CAMSAP1: variants seen among roughly 807,000 people sequenced by gnomAD.
CAMSAP1 encodes the protein calmodulin regulated spectrin associated protein 1, also known as calmodulin-regulated spectrin-associated protein 1.
In CAMSAP1, 58 loss-of-function variants were observed where a neutral mutation model predicts 143.5. The observed-to-expected ratio is 0.40, with a 90% CI of 0.33 to 0.50. The LOEUF (loss-of-function observed/expected upper bound fraction) is 0.50, where lower values mean the gene tolerates loss of function less well. CAMSAP1 is among the 20% of genes least tolerant of loss of function. The pLI is 0.45. For missense variants in CAMSAP1, 1,969 were observed against 2,115.7 expected (o/e 0.93, Z 1.36); for synonymous variants, 945 against 859.3 (o/e 1.10, Z -1.74).
chr9:135,882,686 T>G lies in CAMSAP1; in HGVS notation c.423+130A>C. The G allele has an allele frequency of 9.6e-7, 1 of 1,036,552 alleles. No homozygotes were observed. The highest frequency in any genetic ancestry group is 1.4e-6 in the Non-Finnish European group (1 of 731,860). The allele number at this position is 1,036,552 out of a possible 1,614,324, so 64.2% of individuals were successfully genotyped here. A position where few individuals can be genotyped will look rare whatever the true frequency, so the allele number is the denominator to read the frequency against. On this transcript the variant is annotated intron_variant, in intron 2 of 16. Transcript: ENST00000389532. The surrounding 1 kb of genome is among the most constrained non-coding windows in gnomAD (Gnocchi z 4.9). ...TATGCAGTTTCCTAAGGAACGCCAG[T>G]GTGCAAAAGCACGGGTCTCCACCAC...
chr9:135,860,793 C>T (rs1837161124), intron 5 of CAMSAP1, among the ~76,000 whole-genome samples: 1 of 152,092 alleles, frequency 6.6e-6, no homozygotes, highest in Non-Finnish European at 1.5e-5. Flanking sequence ...GCCTGCTTTC[C>T]CTGCGTGGTT....
At chr9:135,836,532 A>T in intron 7 of CAMSAP1, 1 of 981,938 alleles carries the variant, frequency 1.0e-6, no homozygotes, top group Middle Eastern at 5.3e-4. Flanking sequence ...CCGCAGCCAC[A>T]CAGTCATGTA....
chr9:135,812,466 C>T (rs968715014), intron 16 of CAMSAP1, among the ~76,000 whole-genome samples: 1 of 151,992 alleles, frequency 6.6e-6, no homozygotes, highest in Non-Finnish European at 1.5e-5. Flanking sequence ...CAGGCAAATC[C>T]ATGGAGACAG....
At chr9:135,844,265 T>C (rs903125655) in intron 7 of CAMSAP1, among the ~76,000 whole-genome samples, 23 of 152,138 alleles carry the variant, frequency 1.5e-4, no homozygotes, top group African/African-American at 5.3e-4. Context: ...CAGACCAAAG[T>C]GCAATCAAAT....
At chr9:135,879,643 C>G (rs969282584) in intron 3 of CAMSAP1, among the ~76,000 whole-genome samples, 1 of 151,810 alleles carries the variant, frequency 6.6e-6, no homozygotes, top group East Asian at 1.9e-4. Flanking sequence ...GAAAATGTTA[C>G]AATCTTTAGG....
At chr9:135,846,129 TATACTAC>T (rs1836540802) in intron 7 of CAMSAP1, among the ~76,000 whole-genome samples, 2 of 136,940 alleles carry the variant, frequency 1.5e-5, no homozygotes, top group Admixed American at 1.5e-4. Flanking sequence ...GACTTCAAAC[TATACTAC>T]AAGGCTATAG....
intron 5 of CAMSAP1, among the ~76,000 whole-genome samples, chr9:135,855,893 A>G (rs897049145): frequency 5.3e-5 from 8 of 152,114 alleles, no homozygotes; most frequent in African/African-American, 1.9e-4. Context: ...TCTACTAAAA[A>G]TACAAAAAAT....
chr9:135,822,394 G>T lies in CAMSAP1; in HGVS notation c.2267C>A (p.Ala756Asp). 1 of 1,613,954 alleles carries T rather than the reference G, an allele frequency of 6.2e-7. No individual in the cohort carries two copies. The highest frequency in any genetic ancestry group is 8.5e-7 in the Non-Finnish European group (1 of 1,179,892). The change falls in exon 11 of 17, where the codon GCC (alanine) becomes GAC (aspartate). Residue 756 changes from alanine to aspartate, a missense_variant. Ala to Asp is a moderately radical substitution (Grantham distance 126). Coordinates refer to ENST00000389532, the MANE Select transcript of CAMSAP1 (RefSeq NM_015447.4). The surrounding 1 kb of genome is among the most constrained non-coding windows in gnomAD (Gnocchi z 6.1). The stretch of plus-strand genomic sequence containing the variant: ...GTATCTGCTGAAAACCACAGGATGG[G>T]CCTCACCCATGAAATCGTGCTCGGC... ...EEAEHDFMGE[A>D]HPVVFSRYIG...
At chr9:135,839,316 T>C (rs1836255789) in intron 7 of CAMSAP1, among the ~76,000 whole-genome samples, 1 of 152,192 alleles carries the variant, frequency 6.6e-6, no homozygotes, top group African/African-American at 2.4e-5. Flanking sequence ...TGTGTCCGTA[T>C]TTCCTCCCAA....
chr9:135,855,272 G>A (rs866676471), intron 5 of CAMSAP1, among the ~76,000 whole-genome samples: 3 of 152,100 alleles, frequency 2.0e-5, no homozygotes, highest in Non-Finnish European at 2.9e-5. Flanking sequence ...GATTACAGGC[G>A]TGAGCCACTG....
chr9:135,820,867 T>C lies in CAMSAP1; in HGVS notation c.3794A>G (p.Gln1265Arg). The C allele has an allele frequency of 1.2e-6, 2 of 1,613,486 alleles. No individual in the cohort carries two copies. The highest frequency in any genetic ancestry group is 1.7e-6 in the Non-Finnish European group (2 of 1,179,874). The change falls in exon 11 of 17, where the codon CAG becomes CGG. Residue 1265 changes from glutamine (Q) to arginine (R), a missense_variant. Around this residue, in one of 4 missense-constraint regions of CAMSAP1, gnomAD observed 1,390 missense variants for 1,420.8 expected, o/e 0.98. Coordinates refer to ENST00000389532, the MANE Select transcript of CAMSAP1 (RefSeq NM_015447.4). This position sits in a 1 kb window ranked among gnomAD's most constrained non-coding sequence, Gnocchi z 4.4. ...GSADLVSEGDQKPGVGFFFKD... is the reference protein window; with the variant it reads ...GSADLVSEGDRKPGVGFFFKD... Reference sequence around the variant, plus strand: ...GAAGAAGAAGCCGACCCCCGGCTTCTGGTCGCCTTCGCTGACAAGGTCCGC... The same window carrying C: ...GAAGAAGAAGCCGACCCCCGGCTTCCGGTCGCCTTCGCTGACAAGGTCCGC...
In CAMSAP1 at chr9:135,820,720, C is replaced by T; in HGVS notation, c.3822+119G>A. On this transcript the variant is annotated intron_variant, in intron 11 of 16. Coordinates refer to ENST00000389532, the MANE Select transcript of CAMSAP1 (RefSeq NM_015447.4). This position sits in a 1 kb window ranked among gnomAD's most constrained non-coding sequence, Gnocchi z 4.4. ...GCCCACAAAGCTAAACACACACATC[C>T]CCTGGCCTCTTACAGGAGCGGCTGG... is the stretch of plus-strand genomic sequence containing the variant. The T allele has an allele frequency of 3.8e-6, 5 of 1,318,852 alleles. No individual in the cohort carries two copies. Among genetic ancestry groups the T allele is most frequent in the Non-Finnish European group, 5.2e-6 (5 of 964,016 alleles). 81.7% of individuals were successfully genotyped at this position (1,318,852 alleles called of 1,614,324 possible).
Position 135,850,179 on chromosome 9 carries a change from G to A in CAMSAP1, c.1003C>T (p.Pro335Ser), listed in dbSNP as rs865896813. Residue 335 changes from proline to serine, a missense_variant, in exon 7 of 17, where the codon CCA becomes TCA. Physicochemically the swap from Pro to Ser is moderately conservative, Grantham distance 74 (BLOSUM62 -1). This residue lies in a region of CAMSAP1 where 221 missense variants were observed against 298.2 expected (regional missense o/e 0.74). Transcript: ENST00000389532. Reference protein sequence around the residue: ...ELFWWFENVKPDFVQPRDVQE... With the variant: ...ELFWWFENVKSDFVQPRDVQE... ...ACATCCCTGGGCTGAACAAAATCTG[G>A]CTTGACATTCTCGAACCACCAAAAA... The A allele has an allele frequency of 6.2e-7, 1 of 1,612,362 alleles. No homozygotes were observed. Among genetic ancestry groups the A allele is most frequent in the Non-Finnish European group, 8.5e-7 (1 of 1,179,296 alleles).
Position 135,822,235 on chromosome 9 carries a change from C to A in CAMSAP1, c.2426G>T (p.Ser809Ile), listed in dbSNP as rs756904959. The change falls in exon 11 of 17, where the codon AGT becomes ATT. Residue 809 changes from serine (S) to isoleucine (I), a missense_variant. By Grantham distance (142) the Ser-to-Ile change is moderately radical. Transcript: ENST00000389532. This position sits in a 1 kb window ranked among gnomAD's most constrained non-coding sequence, Gnocchi z 6.1. ...ASQMSSVSMA[S>I]GSVKMTSFAE... ...AAAGCTGGTCATCTTCACGCTCCCA[C>A]TCGCCATGGAGACACTGCTCATCTG... 3.1e-6 allele frequency: 5 copies of A among 1,614,018 alleles called. No homozygotes were observed. Among genetic ancestry groups the A allele is most frequent in the Non-Finnish European group, 4.2e-6 (5 of 1,179,904 alleles).
chr9:135,906,762 G>C (rs558652602), intron 1 of CAMSAP1, among the ~76,000 whole-genome samples: 1 of 152,014 alleles, frequency 6.6e-6, no homozygotes, highest in Non-Finnish European at 1.5e-5. Flanking sequence ...AGGAGCGGAA[G>C]CCCCGACCCA....
At chr9:135,843,171 T>C (rs528298921) in intron 7 of CAMSAP1, among the ~76,000 whole-genome samples, 3 of 151,420 alleles carry the variant, frequency 2.0e-5, no homozygotes, top group Admixed American at 1.3e-4. Flanking sequence ...CTACTAAAAA[T>C]ACAAAATTAG....
rs772128102 is a variant in CAMSAP1, at chr9:135,818,006, G to C, written c.4242C>G (p.Ser1414Arg). ...LASAATTEPE[S>R]VHSGGTPSQR... ...GAGAGGGTGTGCCCCCGGAATGAAC[G>C]CTCTCGGGTTCTGTCGTCGCCGCAG... is the stretch of plus-strand genomic sequence containing the variant. The change falls in exon 14 of 17, where the codon AGC becomes AGG. Residue 1414 changes from serine (S) to arginine (R), a missense_variant. Ser to Arg is a moderately radical substitution (Grantham distance 110). Around this residue, in one of 4 missense-constraint regions of CAMSAP1, gnomAD observed 1,390 missense variants for 1,420.8 expected, o/e 0.98. Coordinates refer to ENST00000389532, the MANE Select transcript of CAMSAP1 (RefSeq NM_015447.4). This position sits in a 1 kb window ranked among gnomAD's most constrained non-coding sequence, Gnocchi z 7.7. The C allele has an allele frequency of 6.2e-7, 1 of 1,613,762 alleles. No homozygotes were observed. Among genetic ancestry groups the C allele is most frequent in the Non-Finnish European group, 8.5e-7 (1 of 1,179,882 alleles).
At chr9:135,817,923 T>A in intron 14 of CAMSAP1, 54 bp downstream of exon 14, 1 of 1,443,838 alleles carries the variant, frequency 6.9e-7, no homozygotes. Context: ...AGTCCCACCC[T>A]GCCCCTCCGA....
At chr9:135,874,114 A>G (rs935221198) in intron 3 of CAMSAP1, among the ~76,000 whole-genome samples, 3 of 152,226 alleles carry the variant, frequency 2.0e-5, no homozygotes, top group Admixed American at 1.3e-4. Flanking sequence ...CTAAAAATGA[A>G]AAGTCATATA....
Sources: gnomAD v4.1 joint callset for allele counts (sites outside exome capture counted in the v4.1 genomes callset) on GRCh38, gnomAD v4.1.1 for gene constraint, gnomAD v4.1.1 regional missense constraint, Gnocchi (gnomAD v3.1) non-coding constraint, MANE v1.5 for transcripts, NCBI Gene and HGNC (gene_info 2026-07-23, HGNC 2026-07-21) for gene names.